Variants in AGR2 observed in about 807,000 individuals in gnomAD.
AGR2 encodes the protein anterior gradient protein 2 homolog.
In AGR2, 27 loss-of-function variants were observed where a neutral mutation model predicts 25.9. That is an observed-to-expected ratio of 1.04 (90% CI 0.77 to 1.44). The LOEUF is 1.44. Among genes scored for constraint, AGR2 ranks in the 40% most tolerant of loss-of-function variants. The probability of loss-of-function intolerance (pLI) is 0.00; values close to 1 mark genes in which losing one functional copy is unlikely to be tolerated. For synonymous variants in AGR2, 78 were observed against 72.0 expected, an observed-to-expected ratio of 1.08 and a Z score of -0.42; for missense variants, 182 against 200.9, an observed-to-expected ratio of 0.91 and a Z score of 0.57.
chr7:16,795,863 T>A (rs1489797247), intron 6 of AGR2, among the ~76,000 whole-genome samples: 1 of 152,198 alleles, frequency 6.6e-6, no homozygotes, highest in African/African-American at 2.4e-5. Context: ...AATCTGTCAT[T>A]TCAGAATGTT....
Position 16,792,267 on chromosome 7 carries a change from T to G in AGR2, c.*641A>C, listed in dbSNP as rs1784977551. 1 of 152,322 alleles carries G rather than the reference T, an allele frequency of 6.6e-6. No individual in the cohort carries two copies. Among genetic ancestry groups the G allele is most frequent in the African/African-American group, 2.4e-5 (1 of 41,452 alleles). 9.4% of individuals were successfully genotyped at this position (152,322 alleles called of 1,614,324 possible). ...TGACCTTTCTACTAAATTAGACCTC[T>G]GAAGGAGAAAGCTACTTGCCAGAGG... On this transcript the variant is annotated 3_prime_UTR_variant, in exon 8 of 8. Coordinates refer to ENST00000419304, the MANE Select transcript of AGR2 (RefSeq NM_006408.4).
At chr7:16,804,106 C>G (rs1785195210) in intron 1 of AGR2, among the ~76,000 whole-genome samples, 1 of 152,124 alleles carries the variant, frequency 6.6e-6, no homozygotes, top group Non-Finnish European at 1.5e-5. Context: ...AACATAACTC[C>G]TGCTGTACAA....
chr7:16,795,988 G>C (rs1785038744), intron 6 of AGR2, among the ~76,000 whole-genome samples: 2 of 152,222 alleles, frequency 1.3e-5, no homozygotes, highest in Admixed American at 6.5e-5. Flanking sequence ...TCTAATCTTT[G>C]TAAGAAATTA....
chr7:16,803,677 A>T (rs1484026136), intron 1 of AGR2, among the ~76,000 whole-genome samples: 1 of 152,230 alleles, frequency 6.6e-6, no homozygotes, highest in Non-Finnish European at 1.5e-5. Context: ...ACCTACAAAG[A>T]TGTGGAAATG....
intron 7 of AGR2, chr7:16,794,724 A>G: frequency 7.8e-7 from 1 of 1,281,280 alleles, no homozygotes; most frequent in Non-Finnish European, 1.1e-6. Flanking sequence ...TAATCTAAAT[A>G]ATTCATCTTC....
intron 7 of AGR2, 94 bp from the exon 8 acceptor site, chr7:16,793,051 T>TGG: frequency 8.1e-7 from 1 of 1,229,224 alleles, no homozygotes; most frequent in Admixed American, 1.9e-5. Context: ...CATTATTTAA[T>TGG]GGGATGCTTT....
At chr7:16,799,838 A>C (rs968086921) in intron 4 of AGR2, 21 bp from the exon 5 acceptor site, 1 of 1,515,090 alleles carries the variant, frequency 6.6e-7, no homozygotes, top group Non-Finnish European at 9.1e-7. Flanking sequence ...AAGAAAAATC[A>C]TTAAGCATCC....
intron 6 of AGR2, among the ~76,000 whole-genome samples, chr7:16,796,568 G>A (rs997103506): frequency 1.3e-5 from 2 of 152,164 alleles, no homozygotes; most frequent in South Asian, 2.1e-4. Context: ...TTTGAACAAA[G>A]CCAAACTCAG....
chr7:16,800,443 T>C (rs1373883836), intron 4 of AGR2, among the ~76,000 whole-genome samples: 1 of 151,932 alleles, frequency 6.6e-6, no homozygotes, highest in Admixed American at 6.6e-5. Context: ...AGGAGAGTGG[T>C]AGGAAGGGAG....
Position 16,798,694 on chromosome 7 carries a change from A to G in AGR2, c.331-1000T>C, listed in dbSNP as rs150975464. Among the ~76,000 whole-genome samples the G allele has an allele frequency of 2.6e-5, 4 of 152,318 alleles. No homozygotes were observed. The East Asian group carries it at 7.7e-4, about 29-fold the overall frequency. ...GAAAGTGAAAGAGGCTTACTAAAAT[A>G]GTGGTCCTGAGTTTATAGAGAAGTG... On this transcript the variant is annotated intron_variant, in intron 5 of 7. Transcript: ENST00000419304.
chr7:16,792,691 A>G lies in AGR2; in HGVS notation c.*217T>C. On this transcript the variant is annotated 3_prime_UTR_variant, in exon 8 of 8. Coordinates refer to ENST00000419304, the MANE Select transcript of AGR2 (RefSeq NM_006408.4). ...CATTTATTTTTTTTTTTAGAAAATCATGGCTCACTATGGTAGTATACAATA... is the reference window on the plus strand; with the variant it reads ...CATTTATTTTTTTTTTTAGAAAATCGTGGCTCACTATGGTAGTATACAATA... The G allele has an allele frequency of 2.0e-6, 1 of 488,980 alleles. No homozygotes were observed. Among genetic ancestry groups the G allele is most frequent in the South Asian group, 3.9e-5 (1 of 25,552 alleles). The allele number at this position is 488,980 out of a possible 1,614,324, so 30.3% of individuals were successfully genotyped here. A position where few individuals can be genotyped will look rare whatever the true frequency, so the allele number is the denominator to read the frequency against.
intron 7 of AGR2, among the ~76,000 whole-genome samples, chr7:16,793,614 G>A (rs75751470): frequency 6.6e-6 from 1 of 152,216 alleles, no homozygotes; most frequent in East Asian, 1.9e-4. Context: ...TAGAAGTAGG[G>A]GAAATATAAA....
At chr7:16,793,851 AT>A (rs1220181556) in intron 7 of AGR2, among the ~76,000 whole-genome samples, 1 of 152,212 alleles carries the variant, frequency 6.6e-6, no homozygotes, top group African/African-American at 2.4e-5. Flanking sequence ...TAAAAATAAG[AT>A]GTCCACTCGA....
chr7:16,801,075 C>A, intron 4 of AGR2, 76 bp downstream of exon 4: 3 of 1,171,714 alleles, frequency 2.6e-6, no homozygotes, highest in South Asian at 2.9e-5. Context: ...TCTAAAGATA[C>A]AAACATGAGT....
In AGR2 at chr7:16,792,056, C is replaced by G. The variant is rs185424209; in HGVS notation, c.*852G>C. 9.8e-5 allele frequency: 15 copies of G among 152,334 alleles called. No individual in the cohort carries two copies. In the East Asian group the frequency reaches 2.9e-3, roughly 29 times the overall value. The allele number at this position is 152,334 out of a possible 1,614,324, so 9.4% of individuals were successfully genotyped here. A position where few individuals can be genotyped will look rare whatever the true frequency, so the allele number is the denominator to read the frequency against. On this transcript the variant is annotated 3_prime_UTR_variant, in exon 8 of 8. Transcript: ENST00000419304. The stretch of plus-strand genomic sequence containing the variant: ...CACAGCCTTTCACGTTTCCTAAACC[C>G]TAGTAACCTCTGATCTCCATCTGCC...
At chr7:16,800,348 A>G (rs1433900976) in intron 4 of AGR2, among the ~76,000 whole-genome samples, 1 of 152,232 alleles carries the variant, frequency 6.6e-6, no homozygotes, top group African/African-American at 2.4e-5. Flanking sequence ...GGGGAACTGC[A>G]AAAGCACTAG....
chr7:16,802,689 T>C (rs930835190), intron 1 of AGR2, among the ~76,000 whole-genome samples: 7 of 152,108 alleles, frequency 4.6e-5, no homozygotes, highest in African/African-American at 1.4e-4. Flanking sequence ...TAGCTGTCTA[T>C]TGATCCACAT....
chr7:16,794,967 G>A lies in AGR2; in HGVS notation c.447C>T (p.Leu149=), dbSNP rs767394089. ...CTGTATCTGCAGGTTCGTAAGCATAGAGACGATTTGAATATCTTCCAGTGA... is the reference window on the plus strand; with the variant it reads ...CTGTATCTGCAGGTTCGTAAGCATAAAGACGATTTGAATATCTTCCAGTGA... ...ADITGRYSNR[L]YAYEPADTAL... Residue 149 remains leucine (L), a synonymous_variant, in exon 7 of 8, where the codon CTC becomes CTT. Coordinates refer to ENST00000419304, the MANE Select transcript of AGR2 (RefSeq NM_006408.4). 1.2e-6 allele frequency: 2 copies of A among 1,614,068 alleles called. No homozygotes were observed. The highest frequency in any genetic ancestry group is 8.5e-7 in the Non-Finnish European group (1 of 1,180,006).
chr7:16,796,646 TGGTGAGCAGAAATA>T (rs1785049550), intron 6 of AGR2, among the ~76,000 whole-genome samples: 1 of 151,864 alleles, frequency 6.6e-6, no homozygotes, highest in South Asian at 2.1e-4. Flanking sequence ...GGGAATATCA[TGGTGAGCAGAAATA>T]GGTACAGTCC....
Sources: allele counts gnomAD v4.1 joint callset (sites outside exome capture counted in the v4.1 genomes callset), GRCh38; gene constraint gnomAD v4.1.1; transcripts MANE v1.5; gene names NCBI Gene and HGNC (gene_info 2026-07-23, HGNC 2026-07-21).